The following MRTFB variants were observed in gnomAD, a reference collection of about 807,000 sequenced individuals.
The protein encoded by MRTFB is myocardin-related transcription factor B.
MRTFB carries 29 observed loss-of-function variants against 104.2 expected under a neutral mutation model. The ratio of observed to expected loss-of-function variants is 0.28; its 90% CI spans 0.21 to 0.38. The LOEUF is 0.38. Among genes scored for constraint, MRTFB ranks in the 10% least tolerant of loss-of-function variants. The probability of loss-of-function intolerance (pLI) is 1.00; values close to 1 mark genes in which losing one functional copy is unlikely to be tolerated. For synonymous variants in MRTFB, 535 were observed against 519.5 expected (o/e 1.03, Z -0.41); for missense variants, 1,270 against 1,341.6 (o/e 0.95, Z 0.83).
At chr16:14,252,542 G>T in intron 15 of MRTFB, 40 bp downstream of exon 15, 1 of 1,610,844 alleles carries the variant, frequency 6.2e-7, no homozygotes, top group Non-Finnish European at 8.5e-7. Context: ...GGCTATGGTG[G>T]ATGTGCCCAC....
At chr16:14,141,871 C>G (rs1262251049) in intron 3 of MRTFB, 1 of 149,636 alleles carries the variant, frequency 6.7e-6, no homozygotes, top group Non-Finnish European at 1.5e-5. Context: ...CAGAGTCTCA[C>G]TCTGTCGCCC....
chr16:14,044,217 C>T, the MRTFB span, among the ~76,000 whole-genome samples: 1 of 152,288 alleles, frequency 6.6e-6, no homozygotes, highest in South Asian at 2.1e-4. Context: ...TGATCCTCAC[C>T]TAGGTTCTCC....
intron 6 of MRTFB, among the ~76,000 whole-genome samples, chr16:14,214,721 G>A (rs1054658386): frequency 6.6e-6 from 1 of 152,124 alleles, no homozygotes; most frequent in African/African-American, 2.4e-5. Context: ...AGCTCTGTGG[G>A]GAGTAAACCG....
chr16:14,146,371 C>T (rs1567382137), intron 3 of MRTFB, among the ~76,000 whole-genome samples: 1 of 152,200 alleles, frequency 6.6e-6, no homozygotes, highest in African/African-American at 2.4e-5. Flanking sequence ...GGTATTACAA[C>T]GTTACTGCAG....
the MRTFB span, among the ~76,000 whole-genome samples, chr16:14,024,075 G>A: frequency 2.6e-5 from 4 of 151,986 alleles, no homozygotes; most frequent in African/African-American, 7.3e-5. Flanking sequence ...ATGGTGCCTG[G>A]TGCATCGTGG....
the MRTFB span, among the ~76,000 whole-genome samples, chr16:14,034,616 C>CAAAA: frequency 6.9e-5 from 4 of 57,804 alleles, no homozygotes; most frequent in African/African-American, 1.9e-4. Context: ...CTCCATCTCA[C>CAAAA]AAAAAAAAAA....
intron 2 of MRTFB, among the ~76,000 whole-genome samples, chr16:14,131,787 AAAG>A (rs1197403435): frequency 3.3e-5 from 5 of 152,126 alleles, no homozygotes; most frequent in South Asian, 4.2e-4. Context: ...TTAAAAAAAA[AAAG>A]AGAGAATGTG....
At chr16:14,029,514 T>TACACAC in the MRTFB span, among the ~76,000 whole-genome samples, 7 of 112,614 alleles carry the variant, frequency 6.2e-5, no homozygotes, top group African/African-American at 1.7e-4. Context: ...CACATATATA[T>TACACAC]ACACACACAC....
chr16:14,208,625 G>A (rs573739629), intron 3 of MRTFB, among the ~76,000 whole-genome samples: 3 of 152,062 alleles, frequency 2.0e-5, no homozygotes, highest in Non-Finnish European at 4.4e-5. Context: ...TCTGCTTCTT[G>A]AATATGATTA....
At chr16:14,070,066 T>C (rs1028394780), upstream of MRTFB, among the ~76,000 whole-genome samples, 1 of 152,176 alleles carries the variant, frequency 6.6e-6, no homozygotes, top group African/African-American at 2.4e-5. Context: ...CTTGCTGACA[T>C]TGATGTGATT....
intron 2 of MRTFB, among the ~76,000 whole-genome samples, chr16:14,134,707 C>T (rs896633670): frequency 2.0e-5 from 3 of 152,208 alleles, no homozygotes; most frequent in Non-Finnish European, 4.4e-5. Flanking sequence ...TCTTTCCCGT[C>T]TCCCATCACC....
intron 8 of MRTFB, among the ~76,000 whole-genome samples, chr16:14,231,164 A>G (rs1045020498): frequency 1.3e-5 from 2 of 151,660 alleles, no homozygotes; most frequent in Non-Finnish European, 2.9e-5. Context: ...GGATAGCATT[A>G]GGAGATACAC....
intron 2 of MRTFB, among the ~76,000 whole-genome samples, chr16:14,100,091 T>C (rs1431304356): frequency 6.6e-6 from 1 of 152,234 alleles, no homozygotes; most frequent in Non-Finnish European, 1.5e-5. Context: ...CTGTTACTTA[T>C]TTTTCTTGCC....
At chr16:13,995,794 C>T in the MRTFB span, among the ~76,000 whole-genome samples, 1 of 152,030 alleles carries the variant, frequency 6.6e-6, no homozygotes, top group South Asian at 2.1e-4. Flanking sequence ...CCAACTAGAT[C>T]TAGTGAGAAC....
At chr16:14,181,150 T>C (rs991879316) in intron 3 of MRTFB, among the ~76,000 whole-genome samples, 4 of 152,184 alleles carry the variant, frequency 2.6e-5, no homozygotes, top group Non-Finnish European at 5.9e-5. Context: ...AAAGACATGC[T>C]ATCTGATTTA....
chr16:14,049,031 A>G, the MRTFB span, among the ~76,000 whole-genome samples: 1 of 152,174 alleles, frequency 6.6e-6, no homozygotes, highest in African/African-American at 2.4e-5. Flanking sequence ...CCCAGGGGAC[A>G]TTTGGCAATG....
intron 2 of MRTFB, among the ~76,000 whole-genome samples, chr16:14,095,020 TG>T (rs2035284087): frequency 6.6e-6 from 1 of 152,234 alleles, no homozygotes; most frequent in African/African-American, 2.4e-5. Flanking sequence ...ATAGCACTGC[TG>T]GTTAGGGCAC....
intron 2 of MRTFB, among the ~76,000 whole-genome samples, chr16:14,110,474 G>C (rs948979320): frequency 5.9e-5 from 9 of 152,274 alleles, no homozygotes; most frequent in Middle Eastern, 3.4e-3. Context: ...ATCTCTTCAT[G>C]TCTTTGGGCC....
chr16:14,230,814 C>CTA (rs1444560423), intron 8 of MRTFB, among the ~76,000 whole-genome samples: 1 of 151,872 alleles, frequency 6.6e-6, no homozygotes, highest in Non-Finnish European at 1.5e-5. Flanking sequence ...AATCATGCTG[C>CTA]TATAAAGACA....
Sources: allele counts gnomAD v4.1 joint callset (sites outside exome capture counted in the v4.1 genomes callset), GRCh38; gene constraint gnomAD v4.1.1; transcripts MANE v1.5; gene names NCBI Gene and HGNC (gene_info 2026-07-23, HGNC 2026-07-21).